The following ADGRV1 variants were observed in gnomAD, a reference collection of about 807,000 sequenced individuals.
ADGRV1 encodes adhesion G protein-coupled receptor V1, also known as G-protein coupled receptor 98.
ADGRV1 carries 359 observed loss-of-function variants against 596.2 expected under a neutral mutation model. That is an observed-to-expected ratio of 0.60 (90% CI 0.55 to 0.66). ADGRV1 has a LOEUF of 0.66. Ranked by LOEUF, ADGRV1 falls within the 30% of genes least tolerant of loss-of-function variation. The pLI is 0.00. For synonymous variants in ADGRV1, 2,681 were observed against 2,679.2 expected, an observed-to-expected ratio of 1.00 and a Z score of -0.02; for missense variants, 7,274 against 7,575.6, an observed-to-expected ratio of 0.96 and a Z score of 1.48.
rs1335620413 is a variant in ADGRV1 at position 90,790,859 on chromosome 5, T to C, written c.14044-14T>C. 2 of 1,542,332 alleles carry C rather than the reference T, an allele frequency of 1.3e-6. No homozygotes were observed. Among genetic ancestry groups the C allele is most frequent in the Admixed American group, 1.9e-5 (1 of 51,932 alleles). ...AATTATATAACTTTGTTGAGTTTTTTTCTTTTATTTTAGGTTTACTGGGAA... is the reference window on the plus strand; with the variant it reads ...AATTATATAACTTTGTTGAGTTTTTCTCTTTTATTTTAGGTTTACTGGGAA... On this transcript the variant is annotated splice_polypyrimidine_tract_variant and intron_variant, in intron 69 of 89. Coordinates refer to ENST00000405460, the MANE Select transcript of ADGRV1 (RefSeq NM_032119.4).
At chr5:91,116,848 G>A (rs1176290693) in intron 87 of ADGRV1, among the ~76,000 whole-genome samples, 1 of 152,134 alleles carries the variant, frequency 6.6e-6, no homozygotes, top group Admixed American at 6.5e-5. Context: ...ACCCTAGGTG[G>A]ATAATATTTA....
In ADGRV1 at chr5:90,675,384, G is replaced by T; in HGVS notation, c.5252G>T (p.Gly1751Val). 6.2e-7 allele frequency: 1 copy of T among 1,613,880 alleles called. No homozygotes were observed. Among genetic ancestry groups the T allele is most frequent in the Non-Finnish European group, 8.5e-7 (1 of 1,179,848 alleles). The change falls in exon 24 of 90, where the codon GGA becomes GTA. Residue 1751 changes from glycine (G) to valine (V), a missense_variant. Coordinates refer to ENST00000405460, the MANE Select transcript of ADGRV1 (RefSeq NM_032119.4). Reference protein sequence around the residue: ...LLVIRAQGLLGRVTAEFRTVS... With the variant: ...LLVIRAQGLLVRVTAEFRTVS... ...GTCATCCGTGCACAGGGACTTCTGG[G>T]AAGGGTGACTGCGGAATTTAGAACA...
At chr5:90,572,224 A>T (rs562923664) in intron 1 of ADGRV1, among the ~76,000 whole-genome samples, 4 of 152,166 alleles carry the variant, frequency 2.6e-5, no homozygotes, top group Non-Finnish European at 5.9e-5. Context: ...ATAACAGTGG[A>T]TGTATGTTGA....
chr5:90,953,198 A>G (rs1394796722), intron 83 of ADGRV1, among the ~76,000 whole-genome samples: 1 of 152,176 alleles, frequency 6.6e-6, no homozygotes, highest in Non-Finnish European at 1.5e-5. Flanking sequence ...TAGCAAAAAG[A>G]GAACTGAGCT....
At chr5:90,700,054 T>C (rs1747704992) in intron 34 of ADGRV1, among the ~76,000 whole-genome samples, 1 of 152,192 alleles carries the variant, frequency 6.6e-6, no homozygotes, top group Non-Finnish European at 1.5e-5. Context: ...TTTTCCTAGA[T>C]TATAAATTAT....
At chr5:90,785,708 C>T (rs1306520014) in intron 67 of ADGRV1, among the ~76,000 whole-genome samples, 1 of 152,194 alleles carries the variant, frequency 6.6e-6, no homozygotes, top group Non-Finnish European at 1.5e-5. Context: ...GAGATACCAT[C>T]TCACTCCAGT....
rs960142980 is a variant in ADGRV1, at chr5:90,627,639, A to C, written c.1101A>C (p.Leu367Phe). The change falls in exon 7 of 90, where the codon TTA becomes TTC. Residue 367 changes from leucine to phenylalanine, a missense_variant. Leu to Phe is a conservative substitution (Grantham distance 22). Around this residue, in one of 5 missense-constraint regions of ADGRV1, gnomAD observed 1,715 missense variants for 1,708.8 expected, o/e 1.00. Coordinates refer to ENST00000405460, the MANE Select transcript of ADGRV1 (RefSeq NM_032119.4). Reference sequence around the variant, plus strand: ...ACATTATGTTACTAAAAGATACCTTACAGGGAGATGCTGTGCTAATAAGCC... The same window carrying C: ...ACATTATGTTACTAAAAGATACCTTCCAGGGAGATGCTGTGCTAATAAGCC... ...SFHIMLLKDT[L>F]QGDAVLISPS... The C allele has an allele frequency of 6.2e-7, 1 of 1,613,778 alleles. No individual in the cohort carries two copies. Among genetic ancestry groups the C allele is most frequent in the South Asian group, 1.1e-5 (1 of 91,086 alleles).
chr5:90,630,890 G>T (rs1765410829), intron 9 of ADGRV1, among the ~76,000 whole-genome samples: 1 of 151,994 alleles, frequency 6.6e-6, no homozygotes, highest in South Asian at 2.1e-4. Context: ...TGCTTTCTGT[G>T]CTTGTTTCAC....
At chr5:90,866,317 G>A (rs1476274242) in intron 83 of ADGRV1, among the ~76,000 whole-genome samples, 1 of 149,178 alleles carries the variant, frequency 6.7e-6, no homozygotes, top group African/African-American at 2.5e-5. Context: ...ATGTGTATAT[G>A]TGTGTGTGTG....
rs74993111 is a variant in ADGRV1, at chr5:91,160,909, C to A, written c.18803-2873C>A. On this transcript the variant is annotated intron_variant, in intron 89 of 89. Transcript: ENST00000405460. ...GGTCAGTAGATGTGGTGACTCAAGA[C>A]GAGTCTAGAACTTGCTTACATATCT... is the stretch of plus-strand genomic sequence containing the variant. Among the ~76,000 whole-genome samples the A allele has an allele frequency of 4.4e-3, 674 of 152,256 alleles. 44 individuals carry two copies. The East Asian group carries it at 0.11, about 25-fold the overall frequency.
chr5:90,828,961 G>A lies in ADGRV1; in HGVS notation c.16386G>A (p.Val5462=). 6.3e-7 allele frequency: 1 copy of A among 1,580,628 alleles called. No individual in the cohort carries two copies. The highest frequency in any genetic ancestry group is 8.6e-7 in the Non-Finnish European group (1 of 1,159,842). ...LKPEKVPQVE[V]YFFVELYEAT... ...ATTGTCAGGTACCACAGGTTGAAGT[G>A]TATTTTTTTGTGGAACTATATGAAG... The change falls in exon 77 of 90, where the codon GTG becomes GTA. Residue 5462 remains valine, a synonymous_variant. Transcript: ENST00000405460.
At chr5:90,750,761 C>A in intron 53 of ADGRV1, 64 bp downstream of exon 53, 3 of 1,265,234 alleles carry the variant, frequency 2.4e-6, no homozygotes, top group Non-Finnish European at 3.4e-6. Context: ...TGTATGGGAC[C>A]AAATCCTGCC....
At chr5:90,952,364 G>T (rs1777127841) in intron 83 of ADGRV1, among the ~76,000 whole-genome samples, 1 of 152,118 alleles carries the variant, frequency 6.6e-6, no homozygotes, top group Non-Finnish European at 1.5e-5. Flanking sequence ...GCCAATTGTG[G>T]AATACCATTA....
chr5:91,114,049 T>G (rs991872434), intron 87 of ADGRV1, among the ~76,000 whole-genome samples: 1 of 151,772 alleles, frequency 6.6e-6, no homozygotes, highest in Non-Finnish European at 1.5e-5. Context: ...AAACCCCATC[T>G]CTACTAAAAA....
At chr5:91,012,429 T>C (rs1252529795) in intron 85 of ADGRV1, among the ~76,000 whole-genome samples, 2 of 152,000 alleles carry the variant, frequency 1.3e-5, no homozygotes, top group Non-Finnish European at 2.9e-5. Flanking sequence ...TTTAAATTAT[T>C]TAGGGTTCCA....
At chr5:90,595,277 T>G (rs865789972) in intron 1 of ADGRV1, among the ~76,000 whole-genome samples, 89 of 35,934 alleles carry the variant, frequency 2.5e-3, no homozygotes, top group Admixed American at 6.0e-3. Flanking sequence ...CACTTCCCAG[T>G]AGGGGCGGCC....
In ADGRV1 at chr5:91,103,956, G is replaced by A. The variant is rs191655822; in HGVS notation, c.18432+1616G>A. ...CTTGCAATTAGAGAAGAAGTTGTAGGAGAGGAGACAGAAAGGGTAGATTGG... is the reference window on the plus strand; with the variant it reads ...CTTGCAATTAGAGAAGAAGTTGTAGAAGAGGAGACAGAAAGGGTAGATTGG... On this transcript the variant is annotated intron_variant, in intron 87 of 89. Coordinates refer to ENST00000405460, the MANE Select transcript of ADGRV1 (RefSeq NM_032119.4). 2.8e-4 allele frequency among the ~76,000 whole-genome samples: 42 copies of A among 152,320 alleles called. 1 individual carries two copies. The East Asian group carries it at 5.8e-3, about 21-fold the overall frequency.
chr5:90,802,803 G>A lies in ADGRV1; in HGVS notation c.14582G>A (p.Arg4861His). Residue 4861 changes from arginine (R) to histidine (H), a missense_variant, in exon 71 of 90, where the codon CGT (arginine) becomes CAT (histidine). Physicochemically the swap from Arg to His is conservative, Grantham distance 29. Around this residue, in one of 5 missense-constraint regions of ADGRV1, gnomAD observed 1,874 missense variants for 1,970.2 expected, o/e 0.95. Coordinates refer to ENST00000405460, the MANE Select transcript of ADGRV1 (RefSeq NM_032119.4). The part of the protein sequence containing the change: ...QLVTVMLVGG[R>H]FYGMPTILQE... Reference sequence around the variant, plus strand: ...GTGACTGTGATGCTTGTCGGTGGACGTTTCTATGGAATGCCAACAATTCTT... The same window carrying A: ...GTGACTGTGATGCTTGTCGGTGGACATTTCTATGGAATGCCAACAATTCTT... 4 of 1,612,698 alleles carry A rather than the reference G, an allele frequency of 2.5e-6. No homozygotes were observed. Among genetic ancestry groups the A allele is most frequent in the Non-Finnish European group, 3.4e-6 (4 of 1,179,420 alleles).
intron 34 of ADGRV1, among the ~76,000 whole-genome samples, chr5:90,698,775 GA>G (rs1284374561): frequency 1.1e-5 from 1 of 89,648 alleles, no homozygotes; most frequent in African/African-American, 4.9e-5. Context: ...AAGGTGCTGG[GA>G]AAGAAAAAAT....
Sources: allele counts gnomAD v4.1 joint callset (sites outside exome capture counted in the v4.1 genomes callset), GRCh38; gene constraint gnomAD v4.1.1; regional missense constraint gnomAD v4.1.1; transcripts MANE v1.5; gene names NCBI Gene and HGNC (gene_info 2026-07-23, HGNC 2026-07-21).